The following PCDHA3 variants were observed in gnomAD, a reference collection of about 807,000 sequenced individuals.
PCDHA3 encodes the protein protocadherin alpha 3.
A neutral mutation model predicts 62.2 loss-of-function variants in PCDHA3; 41 were observed. The ratio of observed to expected loss-of-function variants is 0.66; its 90% CI spans 0.51 to 0.86. The LOEUF (loss-of-function observed/expected upper bound fraction) is 0.86. Ranked by LOEUF, PCDHA3 falls within the 40% of genes least tolerant of loss-of-function variation. The pLI, the probability that PCDHA3 is intolerant of heterozygous loss-of-function variation, is 0.00. For synonymous variants in PCDHA3, 640 were observed against 555.4 expected (o/e 1.15, Z -2.14); for missense variants, 1,304 against 1,241.2 (o/e 1.05, Z -0.76).
chr5:140,842,521 C>G lies in PCDHA3; in HGVS notation c.2394+38930C>G, dbSNP rs144333530. ...ATGTCCCCTTCAAGCTGGTGTCCAC[C>G]TTCAAGAATTACTACTCGTTGGTGC... On this transcript the variant is annotated intron_variant, in intron 1 of 3. Coordinates refer to ENST00000522353, the MANE Select transcript of PCDHA3 (RefSeq NM_018906.3). 5.7e-4 allele frequency: 916 copies of G among 1,613,508 alleles called. 20 individuals are homozygous for G. Among genetic ancestry groups the G allele is most frequent in the Non-Finnish European group, 7.4e-4 (868 of 1,179,496 alleles).
rs782116961 is a variant in PCDHA3, at chr5:140,966,933, C to T, written c.2395-12016C>T. On this transcript the variant is annotated intron_variant, in intron 1 of 3. Transcript: ENST00000522353. ...GTGCCAGAGGAGCAGGCACCCGGCGCGCTCGTGGGCAACGTGGCTCGCGCG... is the reference window on the plus strand; with the variant it reads ...GTGCCAGAGGAGCAGGCACCCGGCGTGCTCGTGGGCAACGTGGCTCGCGCG... 2.5e-6 allele frequency: 4 copies of T among 1,603,904 alleles called. No individual in the cohort carries two copies. The highest frequency in any genetic ancestry group is 1.1e-5 in the South Asian group (1 of 90,778).
chr5:141,010,052 A>G lies in PCDHA3; in HGVS notation c.*115A>G. The stretch of plus-strand genomic sequence containing the variant: ...CTACATGAGCCCTCTTAGAGACCTC[A>G]GAAATCTGCAGAAAGTTCCCTGTGT... On this transcript the variant is annotated 3_prime_UTR_variant, in exon 4 of 4. Coordinates refer to ENST00000522353, the MANE Select transcript of PCDHA3 (RefSeq NM_018906.3). The G allele has an allele frequency of 1.3e-6, 2 of 1,598,970 alleles. No homozygotes were observed. Among genetic ancestry groups the G allele is most frequent in the Non-Finnish European group, 1.7e-6 (2 of 1,172,814 alleles).
chr5:140,983,806 G>T (rs981942088), intron 3 of PCDHA3, among the ~76,000 whole-genome samples: 1 of 152,110 alleles, frequency 6.6e-6, no homozygotes, highest in Non-Finnish European at 1.5e-5. Flanking sequence ...GTGTGTAAAA[G>T]GTTTTTTCCC....
intron 1 of PCDHA3, among the ~76,000 whole-genome samples, chr5:140,921,757 T>C (rs1361449960): frequency 6.6e-6 from 1 of 152,122 alleles, no homozygotes; most frequent in Non-Finnish European, 1.5e-5. Context: ...GGACACTTCT[T>C]GGCTACTATT....
At chr5:140,845,629 A>G (rs1437329229) in intron 1 of PCDHA3, among the ~76,000 whole-genome samples, 1 of 149,600 alleles carries the variant, frequency 6.7e-6, no homozygotes, top group East Asian at 1.9e-4. Flanking sequence ...GAAGCTCTCT[A>G]AATCAAGTCC....
At chr5:140,856,349 T>C in intron 1 of PCDHA3, 1 of 1,598,368 alleles carries the variant, frequency 6.3e-7, no homozygotes, top group Non-Finnish European at 8.6e-7. Flanking sequence ...GAGCGTGGAG[T>C]GCAGCATCCA....
chr5:140,982,499 C>T lies in PCDHA3; in HGVS notation c.2478C>T (p.Gly826=). The T allele has an allele frequency of 6.2e-7, 1 of 1,614,184 alleles. No individual in the cohort carries two copies. The highest frequency in any genetic ancestry group is 8.5e-7 in the Non-Finnish European group (1 of 1,180,024). The part of the protein sequence containing the change: ...MHSSVHLEEA[G]ILRAGPGGPD... Reference sequence around the variant, plus strand: ...GCTCTGTGCACCTAGAGGAGGCTGGCATTCTACGGGCTGGTCCAGGAGGGC... The same window carrying T: ...GCTCTGTGCACCTAGAGGAGGCTGGTATTCTACGGGCTGGTCCAGGAGGGC... The change falls in exon 3 of 4, where the codon GGC becomes GGT. Residue 826 remains glycine (G), a synonymous_variant. Transcript: ENST00000522353.
intron 1 of PCDHA3, among the ~76,000 whole-genome samples, chr5:140,820,123 T>C (rs2150105904): frequency 6.6e-6 from 1 of 152,128 alleles, no homozygotes; most frequent in East Asian, 1.9e-4. Context: ...TTTTAACCAT[T>C]GTGTATTAAA....
intron 1 of PCDHA3, chr5:140,852,270 CAT>C (rs1193934371): frequency 1.4e-5 from 7 of 503,434 alleles, no homozygotes; most frequent in South Asian, 1.7e-4. Context: ...TACAATATTA[CAT>C]GTTTTTTGTC....
At chr5:140,828,935 A>G in intron 1 of PCDHA3, 1 of 1,614,238 alleles carries the variant, frequency 6.2e-7, no homozygotes, top group Non-Finnish European at 8.5e-7. Flanking sequence ...ATATTCTTTT[A>G]ATAGCCTTGT....
chr5:140,982,797 G>A (rs2097006142), intron 3 of PCDHA3, among the ~76,000 whole-genome samples: 1 of 151,640 alleles, frequency 6.6e-6, no homozygotes, highest in Admixed American at 6.6e-5. Context: ...ATGTGTGCAT[G>A]TGTGTGTGTG....
chr5:140,869,243 G>A (rs1554162716), intron 1 of PCDHA3: 10 of 1,613,544 alleles, frequency 6.2e-6, no homozygotes, highest in African/African-American at 2.7e-5. Flanking sequence ...TTCGTGGGCC[G>A]CATCGCGCAG....
intron 1 of PCDHA3, chr5:140,862,793 A>G: frequency 1.7e-6 from 1 of 576,706 alleles, no homozygotes; most frequent in Non-Finnish European, 3.3e-6. Flanking sequence ...GACTACGAGG[A>G]GCTGGAGCTG....
At chr5:140,891,849 C>G (rs1446447359) in intron 1 of PCDHA3, among the ~76,000 whole-genome samples, 2 of 152,262 alleles carry the variant, frequency 1.3e-5, no homozygotes, top group African/African-American at 4.8e-5. Context: ...TGGAAGGAGC[C>G]TGTCCCTCTC....
chr5:140,884,385 C>T (rs1554181508), intron 1 of PCDHA3: 1 of 1,613,992 alleles, frequency 6.2e-7, no homozygotes, highest in Non-Finnish European at 8.5e-7. Context: ...GCCATCTGCG[C>T]GGTGTCCAGC....
At chr5:140,876,760 G>A (rs2056562687) in intron 1 of PCDHA3, 4 of 1,614,234 alleles carry the variant, frequency 2.5e-6, no homozygotes, top group South Asian at 2.2e-5. Flanking sequence ...TGCGCGGGAT[G>A]GGGGCTCGCC....
At chr5:140,805,227 C>T in intron 1 of PCDHA3, 1 of 1,392,092 alleles carries the variant, frequency 7.2e-7, no homozygotes, top group South Asian at 1.8e-5. Flanking sequence ...TTCTATTCTG[C>T]TGCATTCCCC....
At chr5:141,000,361 GTCTCTCTCTCTCTCTCTC>G (rs148596731) in intron 3 of PCDHA3, among the ~76,000 whole-genome samples, 25 of 26,446 alleles carry the variant, frequency 9.5e-4, no homozygotes, top group African/African-American at 4.9e-3. Context: ...GTCTCTCTCT[GTCTCTCTCTCTCTCTCTC>G]TCTCTCTCTC....
chr5:140,898,004 T>C (rs2066460029), intron 1 of PCDHA3, among the ~76,000 whole-genome samples: 1 of 152,210 alleles, frequency 6.6e-6, no homozygotes, highest in East Asian at 1.9e-4. Context: ...GAAGTGTCTG[T>C]TCATATCCTT....
Sources: gnomAD v4.1 joint callset for allele counts (sites outside exome capture counted in the v4.1 genomes callset) on GRCh38, gnomAD v4.1.1 for gene constraint, MANE v1.5 for transcripts, NCBI Gene and HGNC (gene_info 2026-07-23, HGNC 2026-07-21) for gene names.